The following DLGAP2 variants were observed in gnomAD, a reference collection of about 807,000 sequenced individuals.
The protein encoded by DLGAP2 is disks large-associated protein 2.
DLGAP2 carries 26 observed loss-of-function variants against 100.3 expected under a neutral mutation model. That is an observed-to-expected ratio of 0.26 (90% CI 0.19 to 0.36). The LOEUF (loss-of-function observed/expected upper bound fraction) is 0.36, where lower values mean the gene tolerates loss of function less well. Ranked by LOEUF, DLGAP2 falls within the 10% of genes least tolerant of loss-of-function variation. DLGAP2 has a pLI of 1.00. For synonymous variants in DLGAP2, 886 were observed against 630.1 expected (o/e 1.41, Z -6.08); for missense variants, 1,858 against 1,453.2 (o/e 1.28, Z -4.53).
At chr8:988,918 T>C (rs1800568122) in intron 2 of DLGAP2, among the ~76,000 whole-genome samples, 1 of 152,228 alleles carries the variant, frequency 6.6e-6, no homozygotes, top group Non-Finnish European at 1.5e-5. Context: ...CCTCTGACAA[T>C]GCAGGTGCCT....
intron 4 of DLGAP2, among the ~76,000 whole-genome samples, chr8:1,506,381 T>C (rs1799914212): frequency 6.6e-6 from 1 of 152,212 alleles, no homozygotes. Context: ...CTGTGGACCT[T>C]TTGGGTGAGT....
intron 2 of DLGAP2, among the ~76,000 whole-genome samples, chr8:1,166,835 A>G (rs756982533): frequency 4.6e-5 from 7 of 152,220 alleles, no homozygotes; most frequent in South Asian, 2.1e-4. Context: ...GGTTTTCTAC[A>G]TATGGATAAT....
chr8:1,487,048 A>T (rs1302246705), intron 3 of DLGAP2, among the ~76,000 whole-genome samples: 1 of 152,228 alleles, frequency 6.6e-6, no homozygotes, highest in Non-Finnish European at 1.5e-5. Context: ...CTGTTAAAGC[A>T]CAATCGATCT....
At chr8:1,331,376 G>A (rs1801154378) in intron 3 of DLGAP2, among the ~76,000 whole-genome samples, 1 of 151,896 alleles carries the variant, frequency 6.6e-6, no homozygotes, top group Non-Finnish European at 1.5e-5. Flanking sequence ...TGGGCAGGTC[G>A]CTGGCCTTTC....
chr8:1,287,719 GTAT>G (rs1799972273), intron 3 of DLGAP2, among the ~76,000 whole-genome samples: 2 of 9,470 alleles, frequency 2.1e-4, no homozygotes, highest in African/African-American at 2.0e-3. Context: ...GTGTGTGTGT[GTAT>G]GTGTGTGTGG....
At chr8:1,355,615 G>A (rs1455928197) in intron 3 of DLGAP2, among the ~76,000 whole-genome samples, 5 of 152,066 alleles carry the variant, frequency 3.3e-5, no homozygotes, top group Non-Finnish European at 5.9e-5. Flanking sequence ...CACCTGTCTC[G>A]GCCTCCCAGG....
At chr8:805,966 C>G (rs1796260950) in intron 1 of DLGAP2, among the ~76,000 whole-genome samples, 1 of 152,208 alleles carries the variant, frequency 6.6e-6, no homozygotes, top group Non-Finnish European at 1.5e-5. Context: ...TCTGTGAGTT[C>G]CTGCTGGGTT....
intron 3 of DLGAP2, among the ~76,000 whole-genome samples, chr8:1,434,782 G>A (rs929395626): frequency 6.6e-6 from 1 of 152,150 alleles, no homozygotes; most frequent in Non-Finnish European, 1.5e-5. Context: ...GCCGTCATTG[G>A]CATTTTGAGA....
chr8:937,794 A>G (rs968705653), intron 2 of DLGAP2, among the ~76,000 whole-genome samples: 2 of 152,084 alleles, frequency 1.3e-5, no homozygotes, highest in Non-Finnish European at 2.9e-5. Flanking sequence ...TTCCCTGTCT[A>G]GGCCTCATTT....
intron 2 of DLGAP2, among the ~76,000 whole-genome samples, chr8:1,237,430 T>C: frequency 7.1e-6 from 1 of 141,550 alleles, no homozygotes. Context: ...CCGTGTCTAG[T>C]TCTCTCACAT....
At chr8:819,506 A>C (rs1008033447) in intron 1 of DLGAP2, among the ~76,000 whole-genome samples, 3 of 152,206 alleles carry the variant, frequency 2.0e-5, no homozygotes, top group Non-Finnish European at 4.4e-5. Context: ...CTATCTTGGG[A>C]AAATATATGA....
In DLGAP2 at chr8:1,187,810, A is replaced by T. The variant is rs1432861092; in HGVS notation, c.74-71041A>T. Among the ~76,000 whole-genome samples the T allele has an allele frequency of 2.4e-5, 3 of 126,076 alleles. 1 individual carries two copies. The highest frequency in any genetic ancestry group is 8.0e-5 in the African/African-American group (2 of 24,990). The allele number at this position is 126,076 out of a possible 152,430, so 82.7% of individuals were successfully genotyped here. A position where few individuals can be genotyped will look rare whatever the true frequency, so the allele number is the denominator to read the frequency against. ...TGACGTTTGCCTCATGGAATCTCAC[A>T]CGCCCGGGACTTCCGTGATGTTTCC... On this transcript the variant is annotated intron_variant, in intron 2 of 14. Transcript: ENST00000637795.
intron 3 of DLGAP2, among the ~76,000 whole-genome samples, chr8:1,310,731 C>T (rs1024873453): frequency 7.9e-5 from 12 of 152,020 alleles, no homozygotes; most frequent in South Asian, 6.2e-4. Context: ...ATTCTCGGCT[C>T]GCTGCAACCT....
chr8:1,242,906 G>A (rs1033539312), intron 2 of DLGAP2, among the ~76,000 whole-genome samples: 5 of 142,014 alleles, frequency 3.5e-5, no homozygotes, highest in East Asian at 2.1e-4. Context: ...ATGGATTGAC[G>A]GATGGATGGA....
intron 2 of DLGAP2, among the ~76,000 whole-genome samples, chr8:1,177,582 A>G (rs533182212): frequency 3.9e-4 from 59 of 152,322 alleles, no homozygotes; most frequent in African/African-American, 1.3e-3. Flanking sequence ...TTATTTCATT[A>G]CATTTCAACC....
At chr8:1,639,523 C>T (rs1337939903) in intron 8 of DLGAP2, among the ~76,000 whole-genome samples, 2 of 152,222 alleles carry the variant, frequency 1.3e-5, no homozygotes, top group Non-Finnish European at 2.9e-5. Context: ...ACAAATTCAG[C>T]ACAGCGGAGA....
chr8:1,276,965 T>A (rs4129417), intron 3 of DLGAP2, among the ~76,000 whole-genome samples: 57,599 of 152,016 alleles, frequency 0.38, 12,115 homozygotes, highest in African/African-American at 0.55. Context: ...TTCCTAAATA[T>A]CATTTTTAGT....
intron 3 of DLGAP2, among the ~76,000 whole-genome samples, chr8:1,471,363 G>A (rs141186068): frequency 0.1 from 11,892 of 119,048 alleles, 1,858 homozygotes; most frequent in South Asian, 0.18. Context: ...AGCTTTTCCC[G>A]ACCCCTCCAG....
At chr8:1,681,466 C>A (rs1798943158) in intron 12 of DLGAP2, among the ~76,000 whole-genome samples, 5 of 151,568 alleles carry the variant, frequency 3.3e-5, no homozygotes, top group Admixed American at 3.3e-4. Context: ...GACCTTGTCT[C>A]TACCAAAAAA....
Sources: gnomAD v4.1 joint callset for allele counts (sites outside exome capture counted in the v4.1 genomes callset) on GRCh38, gnomAD v4.1.1 for gene constraint, MANE v1.5 for transcripts, NCBI Gene and HGNC (gene_info 2026-07-23, HGNC 2026-07-21) for gene names.